DCDC2C: variants seen among roughly 807,000 people sequenced by gnomAD.
The protein encoded by DCDC2C is doublecortin domain-containing protein 2C.
In DCDC2C, 44 loss-of-function variants were observed where a neutral mutation model predicts 45.0. The ratio of observed to expected loss-of-function variants is 0.98; its 90% CI spans 0.77 to 1.26. The LOEUF (loss-of-function observed/expected upper bound fraction) is 1.26. Ranked by LOEUF, DCDC2C falls within the 50% of genes most tolerant of loss-of-function variation. The pLI, the probability that DCDC2C is intolerant of heterozygous loss-of-function variation, is 0.00. For missense variants in DCDC2C, 447 were observed against 468.9 expected (o/e 0.95, Z 0.43); for synonymous variants, 187 against 178.8 (o/e 1.05, Z -0.37).
At chr2:3,732,048 C>T (rs1415210844) in intron 3 of DCDC2C, among the ~76,000 whole-genome samples, 1 of 152,044 alleles carries the variant, frequency 6.6e-6, no homozygotes, top group South Asian at 2.1e-4. Context: ...CTTGGTGAGC[C>T]AAGAGAAGGA....
intron 9 of DCDC2C, among the ~76,000 whole-genome samples, chr2:3,780,703 G>C (rs77397032): frequency 2.0e-5 from 3 of 152,070 alleles, no homozygotes; most frequent in African/African-American, 4.8e-5. Flanking sequence ...CTGCGCAGCC[G>C]TTCCCACATA....
intron 10 of DCDC2C, among the ~76,000 whole-genome samples, chr2:3,813,065 ATATTTT>A (rs1164947011): frequency 2.8e-4 from 8 of 28,806 alleles, no homozygotes; most frequent in South Asian, 3.8e-3. Context: ...ATATATATAT[ATATTTT>A]TTTTTTTTTG....
chr2:3,811,121 T>C (rs1267885274), intron 10 of DCDC2C, among the ~76,000 whole-genome samples: 2 of 152,328 alleles, frequency 1.3e-5, no homozygotes, highest in East Asian at 3.9e-4. Flanking sequence ...GTGAAGAATG[T>C]CAATGTTAGT....
chr2:3,729,625 A>G (rs574819338), intron 3 of DCDC2C, among the ~76,000 whole-genome samples: 3 of 152,342 alleles, frequency 2.0e-5, no homozygotes, highest in South Asian at 2.1e-4. Flanking sequence ...GTCCTCCGCC[A>G]GAGACTGGGA....
At chr2:3,837,563 T>C (rs1157392181) in intron 10 of DCDC2C, among the ~76,000 whole-genome samples, 1 of 152,096 alleles carries the variant, frequency 6.6e-6, no homozygotes, top group Non-Finnish European at 1.5e-5. Context: ...TGGGTTCTTT[T>C]TGAGGAGTTG....
chr2:3,761,206 A>G lies in DCDC2C; in HGVS notation c.727-6548A>G, dbSNP rs1669871468. Reference sequence around the variant, plus strand: ...AAATTGCATTCACATATTAAAATGAATGTTTTATGGTTCAGGCTTCTGTGA... The same window carrying G: ...AAATTGCATTCACATATTAAAATGAGTGTTTTATGGTTCAGGCTTCTGTGA... On this transcript the variant is annotated intron_variant, in intron 6 of 10. Transcript: ENST00000399143. This position sits in a 1 kb window ranked among gnomAD's most constrained non-coding sequence, Gnocchi z 4.3. Among the ~76,000 whole-genome samples, 1 of 152,256 alleles carries G rather than the reference A, an allele frequency of 6.6e-6. No homozygotes were observed. The highest frequency in any genetic ancestry group is 6.5e-5 in the Admixed American group (1 of 15,288).
intron 10 of DCDC2C, among the ~76,000 whole-genome samples, chr2:3,794,939 C>T (rs1670916213): frequency 6.6e-6 from 1 of 152,170 alleles, no homozygotes; most frequent in African/African-American, 2.4e-5. Context: ...GGAATCGCCA[C>T]ACTGACTTCC....
chr2:3,720,039 C>T (rs1668454603), intron 2 of DCDC2C, among the ~76,000 whole-genome samples: 1 of 152,208 alleles, frequency 6.6e-6, no homozygotes, highest in Admixed American at 6.5e-5. Flanking sequence ...TTCCATCATC[C>T]TCAAAGCACC....
intron 2 of DCDC2C, among the ~76,000 whole-genome samples, chr2:3,725,077 C>G (rs73140898): frequency 0.019 from 2,963 of 152,174 alleles, 89 homozygotes; most frequent in African/African-American, 0.067. Context: ...TTCAGGCCCC[C>G]GACCTTCTGG....
chr2:3,716,484 T>G (rs1463517693), intron 2 of DCDC2C, among the ~76,000 whole-genome samples: 1 of 152,126 alleles, frequency 6.6e-6, no homozygotes, highest in Admixed American at 6.6e-5. Flanking sequence ...ATGGAGGTCG[T>G]GGGCAGAAAA....
intron 10 of DCDC2C, among the ~76,000 whole-genome samples, chr2:3,820,119 G>A (rs973110918): frequency 6.6e-6 from 1 of 152,180 alleles, no homozygotes; most frequent in African/African-American, 2.4e-5. Context: ...TGGGACCAAT[G>A]TGTAAAAGAA....
At chr2:3,774,589 AG>A (rs1670278169) in intron 8 of DCDC2C, among the ~76,000 whole-genome samples, 3 of 152,146 alleles carry the variant, frequency 2.0e-5, no homozygotes, top group African/African-American at 7.2e-5. Flanking sequence ...CGGTGAGGAG[AG>A]GCTTTCCCAG....
chr2:3,805,658 C>T (rs182493525), intron 10 of DCDC2C, among the ~76,000 whole-genome samples: 4 of 152,234 alleles, frequency 2.6e-5, no homozygotes, highest in African/African-American at 7.2e-5. Flanking sequence ...TTCGCAAATA[C>T]GTTTTTAGTG....
At chr2:3,832,511 G>A (rs115827916) in intron 10 of DCDC2C, among the ~76,000 whole-genome samples, 1,641 of 152,252 alleles carry the variant, frequency 0.011, 30 homozygotes, top group African/African-American at 0.037. Context: ...AACTAAAGCC[G>A]CTCGAGGCCA....
At chr2:3,755,136 CAT>C (rs200415206) in intron 6 of DCDC2C, among the ~76,000 whole-genome samples, 2,847 of 151,848 alleles carry the variant, frequency 0.019, 84 homozygotes, top group African/African-American at 0.06. Context: ...TGTGTGGAGG[CAT>C]GTGTGTGTAT....
chr2:3,711,798 TA>T (rs1181786306), intron 2 of DCDC2C, among the ~76,000 whole-genome samples: 1 of 152,248 alleles, frequency 6.6e-6, no homozygotes, highest in Non-Finnish European at 1.5e-5. Flanking sequence ...TAACACGCAT[TA>T]TTTTAACCTC....
At chr2:3,759,995 C>T (rs1447133613) in intron 6 of DCDC2C, among the ~76,000 whole-genome samples, 1 of 152,230 alleles carries the variant, frequency 6.6e-6, no homozygotes, top group East Asian at 1.9e-4. Context: ...CTTGGAATCC[C>T]AGCTGTACTT....
chr2:3,715,038 C>T (rs1473698099), intron 2 of DCDC2C, among the ~76,000 whole-genome samples: 1 of 152,266 alleles, frequency 6.6e-6, no homozygotes, highest in Middle Eastern at 3.4e-3. Context: ...TTTCCATATG[C>T]TTTTGACATG....
At chr2:3,750,032 C>G (rs1169148060) in intron 4 of DCDC2C, among the ~76,000 whole-genome samples, 2 of 151,878 alleles carry the variant, frequency 1.3e-5, no homozygotes, top group Non-Finnish European at 1.5e-5. Context: ...CAGCCCCACT[C>G]CTTGCCTTCC....
Sources: gnomAD v4.1 joint callset for allele counts (sites outside exome capture counted in the v4.1 genomes callset) on GRCh38, gnomAD v4.1.1 for gene constraint, Gnocchi (gnomAD v3.1) non-coding constraint, MANE v1.5 for transcripts, NCBI Gene and HGNC (gene_info 2026-07-23, HGNC 2026-07-21) for gene names.